Variants in PIEZO2 observed in about 807,000 individuals in gnomAD.
PIEZO2 encodes piezo type mechanosensitive ion channel component 2.
PIEZO2 carries 172 observed loss-of-function variants against 337.3 expected under a neutral mutation model. The ratio of observed to expected loss-of-function variants is 0.51; its 90% CI spans 0.45 to 0.58. The LOEUF (loss-of-function observed/expected upper bound fraction) is 0.58. Ranked by LOEUF, PIEZO2 falls within the 20% of genes least tolerant of loss-of-function variation. PIEZO2 has a pLI of 0.00. For synonymous variants in PIEZO2, 1,251 were observed against 1,228.5 expected, an observed-to-expected ratio of 1.02 and a Z score of -0.38; for missense variants, 3,028 against 3,391.3, an observed-to-expected ratio of 0.89 and a Z score of 2.66.
chr18:11,134,456 C>A (rs995651590), intron 1 of PIEZO2, among the ~76,000 whole-genome samples: 1 of 152,152 alleles, frequency 6.6e-6, no homozygotes, highest in African/African-American at 2.4e-5. Context: ...CAGTGACCAC[C>A]CATCAGCGCT....
chr18:11,093,625 C>T (rs940677771), intron 1 of PIEZO2, among the ~76,000 whole-genome samples: 9 of 130,404 alleles, frequency 6.9e-5, no homozygotes, highest in African/African-American at 2.0e-4. Context: ...CTCGCTCTGT[C>T]GCCCAGGCTG....
chr18:10,927,349 A>T (rs1259219681), intron 3 of PIEZO2, among the ~76,000 whole-genome samples: 1 of 152,172 alleles, frequency 6.6e-6, no homozygotes, highest in African/African-American at 2.4e-5. Flanking sequence ...GTTAGATGGG[A>T]TACTTAGCAG....
chr18:10,715,073 G>A (rs2035959119), intron 38 of PIEZO2, 143 bp from the exon 39 acceptor site: 5 of 770,248 alleles, frequency 6.5e-6, no homozygotes, highest in Middle Eastern at 6.8e-4. Context: ...GGGGATTGAT[G>A]TCGACTCATT....
At chr18:10,762,141 A>G (rs1255376850) in intron 23 of PIEZO2, among the ~76,000 whole-genome samples, 1 of 152,210 alleles carries the variant, frequency 6.6e-6, no homozygotes, top group African/African-American at 2.4e-5. Flanking sequence ...AGAAGAGATC[A>G]TACTATGCAC....
At chr18:10,705,188 A>G in intron 41 of PIEZO2, 148 bp downstream of exon 41, 1 of 1,047,952 alleles carries the variant, frequency 9.5e-7, no homozygotes, top group Non-Finnish European at 1.3e-6. Context: ...TTGTACTTGC[A>G]GTGCAAGAAG....
rs1002478636 is a variant in PIEZO2 at position 11,078,638 on chromosome 18, C to G, written c.65-12416G>C. Among the ~76,000 whole-genome samples the G allele has an allele frequency of 6.6e-6, 1 of 152,162 alleles. No individual in the cohort carries two copies. The highest frequency in any genetic ancestry group is 2.4e-5 in the African/African-American group (1 of 41,428). ...CACACCTTTTATGGCATGAATTCAG[C>G]CTTGGACTCTGTCTGGGGATTATGC... On this transcript the variant is annotated intron_variant, in intron 1 of 55. Transcript: ENST00000674853. The surrounding 1 kb of genome is among the most constrained non-coding windows in gnomAD (Gnocchi z 5.3).
intron 2 of PIEZO2, among the ~76,000 whole-genome samples, chr18:11,012,712 T>C (rs1598825805): frequency 6.6e-6 from 1 of 152,350 alleles, no homozygotes; most frequent in East Asian, 1.9e-4. Flanking sequence ...TGACTTTACA[T>C]TGGCACTGAT....
In PIEZO2 at chr18:10,899,360, C is replaced by T. The variant is rs2144991230; in HGVS notation, c.329+11826G>A. ...CAGGAAGAAACTGTTTTCACTTTAT[C>T]TAGGATAATGTATTTCCAAAGATTT... On this transcript the variant is annotated intron_variant, in intron 4 of 55. Coordinates refer to ENST00000674853, the MANE Select transcript of PIEZO2 (RefSeq NM_001378183.1). This position sits in a 1 kb window ranked among gnomAD's most constrained non-coding sequence, Gnocchi z 4.6. Among the ~76,000 whole-genome samples the T allele has an allele frequency of 6.6e-6, 1 of 152,234 alleles. No individual in the cohort carries two copies. The highest frequency in any genetic ancestry group is 2.1e-4 in the South Asian group (1 of 4,822).
chr18:10,834,930 C>A lies in PIEZO2; in HGVS notation c.917+20423G>T, dbSNP rs186728906. ...GTCCTCCAAAATTCTTAGGTTGAAG[C>A]CAAACTCCCCATGTGAAGGTATTAA... is the stretch of plus-strand genomic sequence containing the variant. On this transcript the variant is annotated intron_variant, in intron 7 of 55. Transcript: ENST00000674853. The surrounding 1 kb of genome is among the most constrained non-coding windows in gnomAD (Gnocchi z 4.5). 6.6e-6 allele frequency among the ~76,000 whole-genome samples: 1 copy of A among 152,286 alleles called. No homozygotes were observed. The highest frequency in any genetic ancestry group is 1.9e-4 in the East Asian group (1 of 5,178).
At chr18:10,927,406 C>G (rs1367794737) in intron 3 of PIEZO2, among the ~76,000 whole-genome samples, 1 of 152,128 alleles carries the variant, frequency 6.6e-6, no homozygotes, top group Non-Finnish European at 1.5e-5. Flanking sequence ...GCAGCGCAGG[C>G]CGTGGGTGGG....
intron 2 of PIEZO2, among the ~76,000 whole-genome samples, chr18:11,022,705 G>T (rs2036356395): frequency 6.6e-6 from 1 of 152,168 alleles, no homozygotes; most frequent in Admixed American, 6.5e-5. Flanking sequence ...ATTTAAGGGG[G>T]ACAGAATTCA....
At position 11,094,924 on chromosome 18, in the gene PIEZO2, C is replaced by T. The variant is rs12456016; in HGVS notation, c.65-28702G>A. On this transcript the variant is annotated intron_variant, in intron 1 of 55. Coordinates refer to ENST00000674853, the MANE Select transcript of PIEZO2 (RefSeq NM_001378183.1). This position sits in a 1 kb window ranked among gnomAD's most constrained non-coding sequence, Gnocchi z 4.4. ...TGAGGAACTCTGTCCCCTCTTCCTA[C>T]AGCTCCAAAAGCCACCCGCTGGAAG... 0.17 allele frequency among the ~76,000 whole-genome samples: 25,652 copies of T among 152,254 alleles called. 2,501 individuals carry two copies. The highest frequency in any genetic ancestry group is 0.21 in the Non-Finnish European group (14,522 of 68,014).
At chr18:10,901,238 T>C (rs1167272397) in intron 4 of PIEZO2, among the ~76,000 whole-genome samples, 2 of 152,186 alleles carry the variant, frequency 1.3e-5, no homozygotes, top group Non-Finnish European at 2.9e-5. Flanking sequence ...TGCTTTATTT[T>C]GTATAAGGAA....
chr18:11,050,372 C>A (rs535162946), intron 2 of PIEZO2, among the ~76,000 whole-genome samples: 3 of 152,232 alleles, frequency 2.0e-5, no homozygotes, highest in African/African-American at 7.2e-5. Context: ...GCTACTATTT[C>A]CTTTTTGATG....
chr18:10,921,958 G>T (rs1292662379), intron 3 of PIEZO2, among the ~76,000 whole-genome samples: 1 of 152,162 alleles, frequency 6.6e-6, no homozygotes, highest in Non-Finnish European at 1.5e-5. Context: ...GGTCAGACCA[G>T]TTGCTCTCAA....
At chr18:11,008,976 T>G (rs1262688269) in intron 2 of PIEZO2, among the ~76,000 whole-genome samples, 1 of 152,224 alleles carries the variant, frequency 6.6e-6, no homozygotes, top group South Asian at 2.1e-4. Context: ...GAAACAGACG[T>G]AGGAATCTTT....
Position 10,962,570 on chromosome 18 carries a change from T to C in PIEZO2, c.286+16965A>G, listed in dbSNP as rs1304855685. ...CATCACTTCAGGTGACTTTATTTCATGTTGCTCTAGACCAGGCATTTTTGC... is the reference window on the plus strand; with the variant it reads ...CATCACTTCAGGTGACTTTATTTCACGTTGCTCTAGACCAGGCATTTTTGC... On this transcript the variant is annotated intron_variant, in intron 3 of 55. Transcript: ENST00000674853. This position sits in a 1 kb window ranked among gnomAD's most constrained non-coding sequence, Gnocchi z 4.1. Among the ~76,000 whole-genome samples the C allele has an allele frequency of 6.6e-6, 1 of 152,186 alleles. No individual in the cohort carries two copies. The highest frequency in any genetic ancestry group is 1.5e-5 in the Non-Finnish European group (1 of 68,036).
Position 10,797,662 on chromosome 18 carries a change from C to T in PIEZO2, c.1379-140G>A, listed in dbSNP as rs1045986669. The T allele has an allele frequency of 4.4e-5, 59 of 1,354,222 alleles. No homozygotes were observed. The African/African-American group carries it at 8.1e-4, about 18-fold the overall frequency. 83.9% of individuals were successfully genotyped at this position (1,354,222 alleles called of 1,614,324 possible). On this transcript the variant is annotated intron_variant, in intron 11 of 55. Coordinates refer to ENST00000674853, the MANE Select transcript of PIEZO2 (RefSeq NM_001378183.1). The stretch of plus-strand genomic sequence containing the variant: ...AGAAATTGTTTCCCATTCATAAAGC[C>T]CTTAAAATTCAAACAGAATCAGTAA...
chr18:10,972,360 G>A (rs2034276729), intron 3 of PIEZO2, among the ~76,000 whole-genome samples: 1 of 152,084 alleles, frequency 6.6e-6, no homozygotes, highest in African/African-American at 2.4e-5. Context: ...CTGAGCTGCA[G>A]GTCATGGGAG....
Sources: gnomAD v4.1 joint callset for allele counts (sites outside exome capture counted in the v4.1 genomes callset) on GRCh38, gnomAD v4.1.1 for gene constraint, Gnocchi (gnomAD v3.1) non-coding constraint, MANE v1.5 for transcripts, NCBI Gene and HGNC (gene_info 2026-07-23, HGNC 2026-07-21) for gene names.